Variants in TMEM272 observed in about 807,000 individuals in gnomAD.
TMEM272 encodes long intergenic non-protein coding RNA 282.
TMEM272 carries 8 observed loss-of-function variants against 3.7 expected under a neutral mutation model. That is an observed-to-expected ratio of 2.17 (90% CI 1.27 to 3.91). TMEM272 has a LOEUF of 3.91. TMEM272 is among the 30% of genes most tolerant of loss of function. The pLI is 0.00. For missense variants in TMEM272, 166 were observed against 91.5 expected, an observed-to-expected ratio of 1.81 and a Z score of -3.32; for synonymous variants, 63 against 39.8, an observed-to-expected ratio of 1.58 and a Z score of -2.20.
At chr13:51,890,668 G>T in the TMEM272 span, among the ~76,000 whole-genome samples, 1 of 152,174 alleles carries the variant, frequency 6.6e-6, no homozygotes, top group Admixed American at 6.5e-5. Context: ...TAAATGAAAT[G>T]TACGGGAGGC....
At chr13:51,888,599 T>C in the TMEM272 span, among the ~76,000 whole-genome samples, 2 of 151,856 alleles carry the variant, frequency 1.3e-5, no homozygotes, top group African/African-American at 2.4e-5. Flanking sequence ...TCCAAGTAAA[T>C]TGGTACAGTT....
In TMEM272 at chr13:51,826,512, C is replaced by T. The variant is rs972513028; in HGVS notation, c.118+54G>A. ...TGTTTAAAGATTACATGCCTTGGGTCCATGCCCCAACCTGGCTGACCTGTG... is the reference window on the plus strand; with the variant it reads ...TGTTTAAAGATTACATGCCTTGGGTTCATGCCCCAACCTGGCTGACCTGTG... On this transcript the variant is annotated intron_variant, in intron 3 of 4. Coordinates refer to ENST00000629372, the MANE Select transcript of TMEM272 (RefSeq NM_001351003.2). 14 of 701,814 alleles carry T rather than the reference C, an allele frequency of 2.0e-5. No individual in the cohort carries two copies. In the Admixed American group the frequency reaches 2.8e-4, roughly 14 times the overall value. The allele number at this position is 701,814 out of a possible 1,614,324, so 43.5% of individuals were successfully genotyped here.
chr13:51,871,681 T>C, the TMEM272 span, among the ~76,000 whole-genome samples: 2 of 152,096 alleles, frequency 1.3e-5, no homozygotes, highest in Admixed American at 6.5e-5. Flanking sequence ...AACCTGTTCT[T>C]AGATTCCCAA....
chr13:51,894,336 G>A, the TMEM272 span, among the ~76,000 whole-genome samples: 1 of 152,234 alleles, frequency 6.6e-6, no homozygotes, highest in African/African-American at 2.4e-5. Flanking sequence ...TTCTTTGTGA[G>A]TCAGGGGACT....
At chr13:51,888,802 C>A in the TMEM272 span, among the ~76,000 whole-genome samples, 2 of 151,844 alleles carry the variant, frequency 1.3e-5, no homozygotes, top group Non-Finnish European at 1.5e-5. Flanking sequence ...CCTGCCACCA[C>A]GCCTGGCTAA....
chr13:51,863,484 T>A, the TMEM272 span, among the ~76,000 whole-genome samples: 1 of 152,124 alleles, frequency 6.6e-6, no homozygotes, highest in Non-Finnish European at 1.5e-5. Flanking sequence ...AACAGGGGCA[T>A]GGTTTCAGGA....
At chr13:51,827,753 T>C (rs9596586) in intron 2 of TMEM272, among the ~76,000 whole-genome samples, 29,071 of 152,058 alleles carry the variant, frequency 0.19, 3,275 homozygotes, top group East Asian at 0.5. Context: ...CCCATTCTGC[T>C]GTGCCGTTTA....
At chr13:51,865,719 T>C in the TMEM272 span, 2 of 1,614,102 alleles carry the variant, frequency 1.2e-6, no homozygotes, top group Admixed American at 3.3e-5. Context: ...GAAAAGTCTT[T>C]CAGGGAGGAA....
intron 1 of TMEM272, among the ~76,000 whole-genome samples, chr13:51,843,668 C>T (rs1273236978): frequency 2.6e-5 from 4 of 152,082 alleles, no homozygotes; most frequent in Admixed American, 1.3e-4. Flanking sequence ...GGTAACAGGC[C>T]GGGCAGTGCC....
chr13:51,829,527 A>T (rs557072239), intron 2 of TMEM272, among the ~76,000 whole-genome samples: 7 of 152,152 alleles, frequency 4.6e-5, no homozygotes, highest in Non-Finnish European at 1.0e-4. Context: ...CTCAACTTAG[A>T]GTGGCGGTCA....
chr13:51,858,762 G>A, the TMEM272 span, among the ~76,000 whole-genome samples: 48 of 152,210 alleles, frequency 3.2e-4, no homozygotes, highest in South Asian at 6.2e-4. Context: ...TCAGCAAAGC[G>A]AAAGGGGTTC....
chr13:51,864,286 T>G, the TMEM272 span, among the ~76,000 whole-genome samples: 4 of 152,280 alleles, frequency 2.6e-5, no homozygotes, highest in African/African-American at 9.6e-5. Flanking sequence ...CTGCTAGCAC[T>G]GCAGAAGCCT....
the TMEM272 span, among the ~76,000 whole-genome samples, chr13:51,905,215 T>C: frequency 6.6e-6 from 1 of 152,184 alleles, no homozygotes; most frequent in Non-Finnish European, 1.5e-5. Flanking sequence ...GGAGAGAGAC[T>C]GTCCTCCCTC....
chr13:51,877,396 C>T, the TMEM272 span, among the ~76,000 whole-genome samples: 84 of 152,266 alleles, frequency 5.5e-4, no homozygotes, highest in African/African-American at 2.0e-3. Flanking sequence ...GCCTGGCTTA[C>T]GTAGGTGCTC....
chr13:51,931,297 C>G, the TMEM272 span, among the ~76,000 whole-genome samples: 2 of 100,882 alleles, frequency 2.0e-5, no homozygotes, highest in African/African-American at 3.7e-5. Flanking sequence ...ATGAGTTCGT[C>G]TCAAAAAAAA....
chr13:51,864,433 C>G, the TMEM272 span, among the ~76,000 whole-genome samples: 1 of 152,282 alleles, frequency 6.6e-6, no homozygotes, highest in East Asian at 1.9e-4. Context: ...GAAGTATGTT[C>G]CCCTAGACAA....
the TMEM272 span, among the ~76,000 whole-genome samples, chr13:51,915,806 GCTCATGC>G: frequency 1.1e-3 from 170 of 152,324 alleles, no homozygotes; most frequent in African/African-American, 3.8e-3. Context: ...GGGTGCGGTG[GCTCATGC>G]CTGTAAATCC....
chr13:51,896,182 G>A, the TMEM272 span, among the ~76,000 whole-genome samples: 4 of 152,196 alleles, frequency 2.6e-5, no homozygotes, highest in African/African-American at 9.7e-5. Flanking sequence ...TGTGGGAAAT[G>A]TAACTCTCAG....
At chr13:51,892,001 C>T in the TMEM272 span, among the ~76,000 whole-genome samples, 1 of 152,126 alleles carries the variant, frequency 6.6e-6, no homozygotes, top group East Asian at 1.9e-4. Context: ...TAATGCTATG[C>T]GAGCTCACAT....
Sources: gnomAD v4.1 joint callset for allele counts (sites outside exome capture counted in the v4.1 genomes callset) on GRCh38, gnomAD v4.1.1 for gene constraint, MANE v1.5 for transcripts, NCBI Gene and HGNC (gene_info 2026-07-23, HGNC 2026-07-21) for gene names.